Variants in ABCC1 observed in about 807,000 individuals in gnomAD.
The protein encoded by ABCC1 is ATP binding cassette subfamily C member 1 (ABCC1 blood group).
Under a neutral mutation model 172.9 loss-of-function variants are expected in ABCC1, and 83 were observed. The ratio of observed to expected loss-of-function variants is 0.48; its 90% CI spans 0.40 to 0.58. The LOEUF (loss-of-function observed/expected upper bound fraction) is 0.58. Ranked by LOEUF, ABCC1 falls within the 20% of genes least tolerant of loss-of-function variation. The pLI, the probability that ABCC1 is intolerant of heterozygous loss-of-function variation, is 0.00. For missense variants in ABCC1, 1,817 were observed against 2,002.7 expected, an observed-to-expected ratio of 0.91 and a Z score of 1.77; for synonymous variants, 937 against 825.2, an observed-to-expected ratio of 1.14 and a Z score of -2.32.
At chr16:16,090,964 C>T (rs905814849) in intron 19 of ABCC1, among the ~76,000 whole-genome samples, 1 of 152,002 alleles carries the variant, frequency 6.6e-6, no homozygotes, top group African/African-American at 2.4e-5. Flanking sequence ...AAACTGAGGA[C>T]ATACGTGACA....
chr16:16,027,055 AG>A (rs1484756390), intron 5 of ABCC1, among the ~76,000 whole-genome samples: 1 of 152,136 alleles, frequency 6.6e-6, no homozygotes, highest in Non-Finnish European at 1.5e-5. Flanking sequence ...GGTCTTGTTA[AG>A]CTGGATATGG....
chr16:16,045,463 CAGAA>C (rs2151880361), intron 8 of ABCC1, among the ~76,000 whole-genome samples: 1 of 150,640 alleles, frequency 6.6e-6, no homozygotes, highest in South Asian at 2.1e-4. Flanking sequence ...ACTGGGGAGT[CAGAA>C]AGGAAGTTGC....
intron 5 of ABCC1, among the ~76,000 whole-genome samples, chr16:16,029,722 C>A (rs1170794211): frequency 2.0e-5 from 3 of 152,178 alleles, no homozygotes; most frequent in Admixed American, 2.0e-4. Flanking sequence ...ATTTTAAAAA[C>A]TGTAACTGTT....
At position 16,138,505 on chromosome 16, in the gene ABCC1, C is replaced by G; in HGVS notation, c.4434C>G (p.Asp1478Glu). 2 of 1,610,632 alleles carry G rather than the reference C, an allele frequency of 1.2e-6. No homozygotes were observed. The highest frequency in any genetic ancestry group is 8.5e-7 in the Non-Finnish European group (1 of 1,177,286). ...IQSTIRTQFEDCTVLTIAHRL... is the reference protein window; with the variant it reads ...IQSTIRTQFEECTVLTIAHRL... ...CCACCATCCGGACACAGTTCGAGGA[C>G]TGCACCGTCCTCACCATCGCCCACC... Residue 1478 changes from aspartate to glutamate, a missense_variant, in exon 30 of 31, where the codon GAC becomes GAG. Asp to Glu is a conservative substitution (Grantham distance 45). This residue lies in a region of ABCC1 where 1,412 missense variants were observed against 1,600.3 expected (regional missense o/e 0.88). Coordinates refer to ENST00000399410, the MANE Select transcript of ABCC1 (RefSeq NM_004996.4).
intron 19 of ABCC1, among the ~76,000 whole-genome samples, chr16:16,099,968 C>T (rs1381630763): frequency 2.0e-5 from 3 of 152,092 alleles, no homozygotes; most frequent in Non-Finnish European, 4.4e-5. Context: ...TGCCTGTAAT[C>T]CCAGCTTCCT....
At chr16:16,124,182 C>T (rs1357905984) in intron 24 of ABCC1, among the ~76,000 whole-genome samples, 1 of 152,096 alleles carries the variant, frequency 6.6e-6, no homozygotes, top group African/African-American at 2.4e-5. Flanking sequence ...TAACAAGAGA[C>T]TGTTATTTTC....
At chr16:16,069,024 A>G (rs959763931) in intron 13 of ABCC1, among the ~76,000 whole-genome samples, 6 of 149,702 alleles carry the variant, frequency 4.0e-5, no homozygotes, top group African/African-American at 1.2e-4. Flanking sequence ...CCCCAACCTT[A>G]CGGCCGGGCA....
chr16:16,110,570 G>T (rs933881750), intron 21 of ABCC1, among the ~76,000 whole-genome samples: 1 of 151,988 alleles, frequency 6.6e-6, no homozygotes, highest in African/African-American at 2.4e-5. Flanking sequence ...TTGTATTTTA[G>T]TAGGCAAGGG....
chr16:15,965,820 C>T (rs751364159), intron 1 of ABCC1, among the ~76,000 whole-genome samples: 1 of 152,000 alleles, frequency 6.6e-6, no homozygotes. Flanking sequence ...TGGTCTCGAA[C>T]TCCTGACCTC....
At chr16:16,066,664 C>T (rs45544539) in intron 12 of ABCC1, among the ~76,000 whole-genome samples, 2,415 of 151,016 alleles carry the variant, frequency 0.016, 73 homozygotes, top group African/African-American at 0.056. Context: ...TTTGGGAGGC[C>T]GAGGCAGACG....
At chr16:15,965,393 G>A (rs1467199900) in intron 1 of ABCC1, among the ~76,000 whole-genome samples, 3 of 151,898 alleles carry the variant, frequency 2.0e-5, no homozygotes, top group African/African-American at 7.3e-5. Context: ...CCAGGTTCAC[G>A]CCATTCTCCT....
intron 1 of ABCC1, among the ~76,000 whole-genome samples, chr16:15,972,695 C>T (rs2046396186): frequency 1.3e-5 from 2 of 151,392 alleles, no homozygotes. Context: ...GAAAAATGAG[C>T]ATTTGGTTTT....
At chr16:16,107,450 C>T (rs930847152) in intron 21 of ABCC1, among the ~76,000 whole-genome samples, 7 of 152,032 alleles carry the variant, frequency 4.6e-5, no homozygotes, top group African/African-American at 1.7e-4. Context: ...CTACCTTGCC[C>T]AGCTAATTTT....
chr16:16,044,766 T>C lies in ABCC1; in HGVS notation c.1040+86T>C, dbSNP rs2049133503. 11 of 1,287,434 alleles carry C rather than the reference T, an allele frequency of 8.5e-6. No individual in the cohort carries two copies. In the East Asian group the frequency reaches 2.1e-4, roughly 25 times the overall value. The allele number at this position is 1,287,434 out of a possible 1,614,324, so 79.8% of individuals were successfully genotyped here. A position where few individuals can be genotyped will look rare whatever the true frequency, so the allele number is the denominator to read the frequency against. On this transcript the variant is annotated intron_variant, in intron 8 of 30. Transcript: ENST00000399410. ...TGCATCAGTCATAACCCTGGGGTCATGCTGTGTCCTGAAGTGGGCTCATAG... is the reference window on the plus strand; with the variant it reads ...TGCATCAGTCATAACCCTGGGGTCACGCTGTGTCCTGAAGTGGGCTCATAG...
At chr16:16,033,083 C>G in intron 5 of ABCC1, 26 bp from the exon 6 acceptor site, 1 of 1,611,926 alleles carries the variant, frequency 6.2e-7, no homozygotes, top group South Asian at 1.1e-5. Flanking sequence ...CCTCTTCCTC[C>G]CAAACCTGTG....
At chr16:16,002,981 A>T (rs1012816039) in intron 1 of ABCC1, among the ~76,000 whole-genome samples, 1 of 152,174 alleles carries the variant, frequency 6.6e-6, no homozygotes, top group African/African-American at 2.4e-5. Flanking sequence ...TTTTCACTGT[A>T]TACCTTTTTG....
At chr16:16,069,723 A>C in intron 13 of ABCC1, among the ~76,000 whole-genome samples, 1 of 152,140 alleles carries the variant, frequency 6.6e-6, no homozygotes, top group South Asian at 2.1e-4. Flanking sequence ...CATTAAAAGA[A>C]AAAGAAAAAG....
At chr16:16,028,101 C>A (rs915373001) in intron 5 of ABCC1, among the ~76,000 whole-genome samples, 2 of 152,124 alleles carry the variant, frequency 1.3e-5, no homozygotes, top group African/African-American at 4.8e-5. Context: ...ACCCCTGCCG[C>A]CTTCCTTTTC....
intron 1 of ABCC1, among the ~76,000 whole-genome samples, chr16:15,972,167 A>G (rs1201537072): frequency 1.3e-5 from 2 of 152,080 alleles, no homozygotes; most frequent in Non-Finnish European, 2.9e-5. Flanking sequence ...TCATGTCACT[A>G]GCAAGGAGTG....
Sources: gnomAD v4.1 joint callset for allele counts (sites outside exome capture counted in the v4.1 genomes callset) on GRCh38, gnomAD v4.1.1 for gene constraint, gnomAD v4.1.1 regional missense constraint, MANE v1.5 for transcripts, NCBI Gene and HGNC (gene_info 2026-07-23, HGNC 2026-07-21) for gene names.